MYO19: variants seen among roughly 807,000 people sequenced by gnomAD.
MYO19 encodes the protein unconventional myosin-XIX.
A neutral mutation model predicts 129.2 loss-of-function variants in MYO19; 132 were observed. The observed-to-expected ratio is 1.02, with a 90% confidence interval of 0.89 to 1.18. MYO19 has a LOEUF of 1.18. Among genes scored for constraint, MYO19 ranks in the 50% most tolerant of loss-of-function variants. The pLI, the probability that MYO19 is intolerant of heterozygous loss-of-function variation, is 0.00. For synonymous variants in MYO19, 531 were observed against 477.2 expected (o/e 1.11, Z -1.47); for missense variants, 1,210 against 1,216.7 (o/e 0.99, Z 0.08).
intron 3 of MYO19, among the ~76,000 whole-genome samples, chr17:36,531,582 AC>A (rs1472575840): frequency 6.6e-6 from 1 of 151,876 alleles, no homozygotes; most frequent in Non-Finnish European, 1.5e-5. Flanking sequence ...GTATTGATAT[AC>A]CTTTTTTTTA....
rs758599618 is a variant in MYO19, at chr17:36,514,509, G to C, written c.657C>G (p.Leu219=). The stretch of plus-strand genomic sequence containing the variant: ...GGCAGGCCACTCGAGTTTTCTCTAG[G>C]AGGTAGGTCTGGACTGCGGCTCCAG... ...QMTGAAVQTY[L]LEKTRVACQA... is the part of the protein sequence containing the mutation. The change falls in exon 9 of 26, where the codon CTC becomes CTG. Residue 219 remains leucine (L), a synonymous_variant. Transcript: ENST00000614623. The C allele has an allele frequency of 6.2e-7, 1 of 1,613,678 alleles. No individual in the cohort carries two copies. The highest frequency in any genetic ancestry group is 1.3e-5 in the African/African-American group (1 of 75,046).
At chr17:36,498,763 T>C (rs759240095) in intron 24 of MYO19, 1 of 610,390 alleles carries the variant, frequency 1.6e-6, no homozygotes, top group Non-Finnish European at 2.9e-6. Flanking sequence ...GCCTTACATA[T>C]GCTACTTGAA....
intron 20 of MYO19, 43 bp downstream of exon 20, chr17:36,503,907 C>G: frequency 6.8e-7 from 1 of 1,481,328 alleles, no homozygotes; most frequent in South Asian, 1.4e-5. Context: ...CTGAGCCCCA[C>G]TCTGTACTGG....
chr17:36,529,339 T>C (rs2073686147), intron 3 of MYO19, among the ~76,000 whole-genome samples: 1 of 152,140 alleles, frequency 6.6e-6, no homozygotes, highest in Admixed American at 6.5e-5. Context: ...CCATTCTTGA[T>C]GTATCATCCC....
At position 36,509,262 on chromosome 17, in the gene MYO19, G is replaced by A. The variant is rs1015405459; in HGVS notation, c.1158-127C>T. The stretch of plus-strand genomic sequence containing the variant: ...TGTATTCTGAGCCTGACAGGTCAAA[G>A]ACCAAATCCTCTCCTCTTGCTTCCG... On this transcript the variant is annotated intron_variant, in intron 13 of 25. Transcript: ENST00000614623. The A allele has an allele frequency of 4.0e-5, 30 of 752,466 alleles. No individual in the cohort carries two copies. The African/African-American group carries it at 4.9e-4, about 12-fold the overall frequency. 46.6% of individuals were successfully genotyped at this position (752,466 alleles called of 1,614,324 possible).
chr17:36,499,267 T>A (rs1326465583), intron 23 of MYO19, 107 bp from the exon 24 acceptor site: 10 of 431,944 alleles, frequency 2.3e-5, no homozygotes, highest in Middle Eastern at 3.8e-4. Flanking sequence ...TTCAAATACG[T>A]TTTTTTTTTT....
upstream of MYO19, chr17:36,535,527 G>A (rs1433306683): frequency 6.6e-6 from 1 of 152,398 alleles, no homozygotes; most frequent in Middle Eastern, 3.4e-3. Context: ...GGTTTGGCGG[G>A]TGCAGCGGCA....
At chr17:36,531,915 G>A (rs1358749489) in intron 3 of MYO19, among the ~76,000 whole-genome samples, 2 of 152,192 alleles carry the variant, frequency 1.3e-5, no homozygotes, top group African/African-American at 2.4e-5. Context: ...CACTCTCTCA[G>A]GACCAAGAGT....
At chr17:36,507,216 AC>A in intron 16 of MYO19, 77 bp from the exon 17 acceptor site, 1 of 1,547,286 alleles carries the variant, frequency 6.5e-7, no homozygotes, top group Middle Eastern at 2.0e-4. Context: ...CACCCTGTGG[AC>A]CCCATGACAG....
rs2072729469 is a variant in MYO19 at position 36,516,067 on chromosome 17, C to T, written c.415-77G>A. The T allele has an allele frequency of 8.9e-6, 13 of 1,462,938 alleles. No individual in the cohort carries two copies. The East Asian group carries it at 2.7e-4, about 30-fold the overall frequency. The allele number at this position is 1,462,938 out of a possible 1,614,324, so 90.6% of individuals were successfully genotyped here. ...TGAGCCTGCCTGAGAGAACAGTGCC[C>T]ACCAGAGCTCTCTTCTCCACCAGTG... On this transcript the variant is annotated intron_variant, in intron 6 of 25. Transcript: ENST00000614623.
At chr17:36,537,256 C>T (rs1276450545), upstream of MYO19, 6 of 1,614,050 alleles carry the variant, frequency 3.7e-6, no homozygotes, top group Admixed American at 5.0e-5. Context: ...TTTTCACCTA[C>T]CTGGAAAACT....
intron 23 of MYO19, 160 bp downstream of exon 23, chr17:36,500,666 ATGAG>A: frequency 4.1e-6 from 4 of 982,310 alleles, no homozygotes; most frequent in Non-Finnish European, 5.8e-6. Flanking sequence ...GAGAGACGTT[ATGAG>A]TGAGGGGGAC....
chr17:36,525,993 A>G (rs904739586), intron 5 of MYO19, among the ~76,000 whole-genome samples: 16 of 152,150 alleles, frequency 1.1e-4, no homozygotes, highest in African/African-American at 3.6e-4. Flanking sequence ...CTCATCACGC[A>G]TGAACTTCTG....
At chr17:36,513,347 A>G (rs2072500319) in intron 11 of MYO19, 82 bp downstream of exon 11, 1 of 1,611,426 alleles carries the variant, frequency 6.2e-7, no homozygotes, top group Admixed American at 1.7e-5. Flanking sequence ...GGAAAGACCA[A>G]CTCCAAGTCC....
intron 13 of MYO19, among the ~76,000 whole-genome samples, chr17:36,510,186 C>T (rs575133716): frequency 7.2e-5 from 11 of 152,356 alleles, no homozygotes; most frequent in African/African-American, 2.4e-4. Flanking sequence ...AATCTCAGAA[C>T]TCAAGGTGAG....
chr17:36,544,143 C>T (rs1302725319), upstream of MYO19, among the ~76,000 whole-genome samples: 4 of 152,236 alleles, frequency 2.6e-5, no homozygotes, highest in Admixed American at 6.5e-5. Context: ...TGGCCAGTGC[C>T]AGTACTTCGC....
chr17:36,511,252 G>C, intron 12 of MYO19, 113 bp downstream of exon 12: 1 of 1,137,714 alleles, frequency 8.8e-7, no homozygotes. Context: ...ATGGTGGGTG[G>C]CATAAGCAAG....
Position 36,514,507 on chromosome 17 carries a change from A to G in MYO19, c.659T>C (p.Leu220Pro). ...MTGAAVQTYL[L>P]EKTRVACQAS... is the part of the protein sequence containing the mutation. Reference sequence around the variant, plus strand: ...CTGGCAGGCCACTCGAGTTTTCTCTAGGAGGTAGGTCTGGACTGCGGCTCC... The same window carrying G: ...CTGGCAGGCCACTCGAGTTTTCTCTGGGAGGTAGGTCTGGACTGCGGCTCC... The change falls in exon 9 of 26, where the codon CTA becomes CCA. Residue 220 changes from leucine (L) to proline (P), a missense_variant. By Grantham distance (98) the Leu-to-Pro change is moderately conservative. Transcript: ENST00000614623. The G allele has an allele frequency of 1.9e-6, 3 of 1,613,630 alleles. No homozygotes were observed. The highest frequency in any genetic ancestry group is 2.5e-6 in the Non-Finnish European group (3 of 1,179,590).
chr17:36,540,098 G>A (rs2074189245), intron 2 of MYO19, among the ~76,000 whole-genome samples: 1 of 152,110 alleles, frequency 6.6e-6, no homozygotes, highest in African/African-American at 2.4e-5. Context: ...GAGAGCTGGA[G>A]AGGCAGGCAG....
Sources: gnomAD v4.1 joint callset for allele counts (sites outside exome capture counted in the v4.1 genomes callset) on GRCh38, gnomAD v4.1.1 for gene constraint, MANE v1.5 for transcripts, NCBI Gene and HGNC (gene_info 2026-07-23, HGNC 2026-07-21) for gene names.